The following RPS6KC1 variants were observed in gnomAD, a reference collection of about 807,000 sequenced individuals.
RPS6KC1 encodes inactive ribosomal protein S6 kinase delta-1.
A neutral mutation model predicts 103.8 loss-of-function variants in RPS6KC1; 54 were observed. The ratio of observed to expected loss-of-function variants is 0.52; its 90% CI spans 0.42 to 0.65. The LOEUF is 0.65. Among genes scored for constraint, RPS6KC1 ranks in the 30% least tolerant of loss-of-function variants. The probability of loss-of-function intolerance (pLI) is 0.00; values close to 1 mark genes in which losing one functional copy is unlikely to be tolerated. For missense variants in RPS6KC1, 1,151 were observed against 1,253.8 expected (o/e 0.92, Z 1.24); for synonymous variants, 439 against 438.7 (o/e 1.00, Z -0.01).
At chr1:213,118,012 ACTTTGTCTCAAAAAAAAAAAAAAAAAAGC>A (rs2083869972) in intron 5 of RPS6KC1, among the ~76,000 whole-genome samples, 1 of 142,368 alleles carries the variant, frequency 7.0e-6, no homozygotes, top group Non-Finnish European at 1.6e-5. Context: ...ACAAAGCAAG[ACTTTGTCTCAAAAAAAAAAAAAAAAAAGC>A]CTTACTCATT....
the RPS6KC1 span, among the ~76,000 whole-genome samples, chr1:213,287,802 A>G: frequency 6.6e-6 from 1 of 152,208 alleles, no homozygotes; most frequent in African/African-American, 2.4e-5. Context: ...AGGAAGTTCC[A>G]TGGCATACCC....
intron 6 of RPS6KC1, among the ~76,000 whole-genome samples, chr1:213,131,386 T>C (rs1036734478): frequency 5.9e-5 from 9 of 152,194 alleles, no homozygotes; most frequent in Admixed American, 1.3e-4. Flanking sequence ...ACTTGTTTTC[T>C]TGCTTTGATG....
At chr1:213,431,440 T>A in the RPS6KC1 span, among the ~76,000 whole-genome samples, 1 of 152,106 alleles carries the variant, frequency 6.6e-6, no homozygotes, top group South Asian at 2.1e-4. Context: ...CTCACAACAC[T>A]CCCTCTTACC....
chr1:213,654,080 G>C, the RPS6KC1 span, among the ~76,000 whole-genome samples: 4 of 152,234 alleles, frequency 2.6e-5, no homozygotes, highest in African/African-American at 9.6e-5. Flanking sequence ...CCAGATGGCA[G>C]ATTACTTATC....
the RPS6KC1 span, among the ~76,000 whole-genome samples, chr1:213,528,370 G>A: frequency 4.6e-5 from 7 of 152,208 alleles, no homozygotes; most frequent in African/African-American, 1.7e-4. Flanking sequence ...CAGCATGGAG[G>A]TAACCACCCC....
chr1:213,158,419 G>A (rs1167489896), intron 6 of RPS6KC1, among the ~76,000 whole-genome samples: 1 of 152,152 alleles, frequency 6.6e-6, no homozygotes, highest in Non-Finnish European at 1.5e-5. Context: ...ATAACCATTT[G>A]ACCTAAAACT....
At chr1:213,623,747 G>A in the RPS6KC1 span, among the ~76,000 whole-genome samples, 2 of 152,148 alleles carry the variant, frequency 1.3e-5, no homozygotes, top group Admixed American at 1.3e-4. Context: ...GGTTTTAGAG[G>A]TCTACCAGGA....
the RPS6KC1 span, among the ~76,000 whole-genome samples, chr1:213,700,621 A>G: frequency 1.3e-5 from 2 of 151,890 alleles, no homozygotes; most frequent in African/African-American, 4.8e-5. Flanking sequence ...TCAAGATTGC[A>G]TTGAATCCAT....
the RPS6KC1 span, among the ~76,000 whole-genome samples, chr1:213,496,761 G>C: frequency 6.6e-6 from 1 of 151,870 alleles, no homozygotes; most frequent in Admixed American, 6.6e-5. Context: ...CAGTCTCGGG[G>C]GAAAAAAAGA....
chr1:213,477,053 T>A, the RPS6KC1 span, among the ~76,000 whole-genome samples: 1 of 152,128 alleles, frequency 6.6e-6, no homozygotes, highest in East Asian at 1.9e-4. Flanking sequence ...GGTGAGACCT[T>A]CCCCCTGATG....
chr1:213,707,265 A>T, the RPS6KC1 span, among the ~76,000 whole-genome samples: 2 of 151,876 alleles, frequency 1.3e-5, no homozygotes, highest in African/African-American at 4.8e-5. Context: ...AAGGTATCTC[A>T]TTGTGGTTTT....
chr1:213,164,594 A>T (rs1173469926), intron 6 of RPS6KC1, among the ~76,000 whole-genome samples: 2 of 152,148 alleles, frequency 1.3e-5, no homozygotes, highest in Admixed American at 6.6e-5. Context: ...TCTGTTCCCC[A>T]GGTTGGAGTG....
At chr1:213,363,604 C>CGCTTGCTTGCTCGCTT in the RPS6KC1 span, among the ~76,000 whole-genome samples, 1 of 85,128 alleles carries the variant, frequency 1.2e-5, no homozygotes, top group Non-Finnish European at 2.3e-5. Context: ...CTTGCTCGCT[C>CGCTTGCTTGCTCGCTT]GCTTGCTTGC....
the RPS6KC1 span, among the ~76,000 whole-genome samples, chr1:213,395,860 T>C: frequency 6.6e-6 from 1 of 152,188 alleles, no homozygotes; most frequent in Non-Finnish European, 1.5e-5. Flanking sequence ...CACTCAAACA[T>C]TTCAGAGTAG....
Position 213,273,740 on chromosome 1 carries a change from A to T in RPS6KC1, c.*1106A>T, listed in dbSNP as rs1345463815. On this transcript the variant is annotated 3_prime_UTR_variant, in exon 15 of 15. Coordinates refer to ENST00000366960, the MANE Select transcript of RPS6KC1 (RefSeq NM_012424.6). ...TGTAAGTATTCACACATCTCCAAAC[A>T]TTTGTATTTGTTACTTCTTTTTGTT... is the stretch of plus-strand genomic sequence containing the variant. 2.0e-5 allele frequency: 3 copies of T among 152,202 alleles called. No homozygotes were observed. Among genetic ancestry groups the T allele is most frequent in the African/African-American group, 7.2e-5 (3 of 41,444 alleles). 9.4% of individuals were successfully genotyped at this position (152,202 alleles called of 1,614,324 possible).
chr1:213,428,507 TTCC>T, the RPS6KC1 span, among the ~76,000 whole-genome samples: 1 of 68,522 alleles, frequency 1.5e-5, no homozygotes, highest in Non-Finnish European at 3.0e-5. Context: ...CCTTCCTTCC[TTCC>T]TTCCTTCCTC....
the RPS6KC1 span, among the ~76,000 whole-genome samples, chr1:213,660,008 C>T: frequency 6.6e-6 from 1 of 152,190 alleles, no homozygotes. Context: ...TCACTTTATA[C>T]CTAGAGCCGG....
At chr1:213,742,997 A>T in the RPS6KC1 span, among the ~76,000 whole-genome samples, 1 of 152,368 alleles carries the variant, frequency 6.6e-6, no homozygotes, top group African/African-American at 2.4e-5. Flanking sequence ...AAAAAACTTA[A>T]AACAGAATTA....
Position 213,146,759 on chromosome 1 carries a change from T to G in RPS6KC1, c.835+16870T>G, listed in dbSNP as rs113655585. 4.1e-3 allele frequency among the ~76,000 whole-genome samples: 617 copies of G among 152,010 alleles called. 4 individuals carry two copies. Among genetic ancestry groups the G allele is most frequent in the Non-Finnish European group, 6.9e-3 (472 of 68,000 alleles). The stretch of plus-strand genomic sequence containing the variant: ...CAATTTTTATTTTTTTTGAGGAACC[T>G]CCAAACTGTTGAACTATGTACAACA... On this transcript the variant is annotated intron_variant, in intron 6 of 14. Transcript: ENST00000366960.
Sources: gnomAD v4.1 joint callset for allele counts (sites outside exome capture counted in the v4.1 genomes callset) on GRCh38, gnomAD v4.1.1 for gene constraint, MANE v1.5 for transcripts, NCBI Gene and HGNC (gene_info 2026-07-23, HGNC 2026-07-21) for gene names.